CHMP6: variants seen among roughly 807,000 people sequenced by gnomAD.
The protein encoded by CHMP6 is charged multivesicular body protein 6, also known as chromatin-modifying protein 6.
A neutral mutation model predicts 32.8 loss-of-function variants in CHMP6; 10 were observed. The ratio of observed to expected loss-of-function variants is 0.30; its 90% CI spans 0.19 to 0.52. CHMP6 has a LOEUF of 0.52. Among genes scored for constraint, CHMP6 ranks in the 20% least tolerant of loss-of-function variants. The probability of loss-of-function intolerance (pLI) is 0.97; values close to 1 mark genes in which losing one functional copy is unlikely to be tolerated. For missense variants in CHMP6, 269 were observed against 263.8 expected (o/e 1.02, Z -0.14); for synonymous variants, 123 against 105.8 (o/e 1.16, Z -1.00).
At chr17:80,998,270 C>T (rs891940833) in intron 6 of CHMP6, 96 bp from the exon 7 acceptor site, 39 of 1,388,978 alleles carry the variant, frequency 2.8e-5, no homozygotes, top group African/African-American at 2.3e-4. Flanking sequence ...CGGCTGAGAG[C>T]GGCTGACGGA....
intron 1 of CHMP6, among the ~76,000 whole-genome samples, chr17:80,994,159 C>A (rs532216711): frequency 6.6e-6 from 1 of 152,348 alleles, no homozygotes; most frequent in South Asian, 2.1e-4. Context: ...CGTGCTCCGC[C>A]CGCCTCGGCC....
intron 1 of CHMP6, 24 bp from the exon 2 acceptor site, chr17:80,994,557 G>A (rs773868168): frequency 1.0e-5 from 16 of 1,543,056 alleles, no homozygotes; most frequent in South Asian, 9.6e-5. Context: ...GCTCGGTGAC[G>A]CCAGGCCCTC....
At chr17:80,999,009 C>T in intron 7 of CHMP6, 89 bp from the exon 8 acceptor site, 1 of 1,494,718 alleles carries the variant, frequency 6.7e-7, no homozygotes, top group South Asian at 1.1e-5. Context: ...CCGGAACTGG[C>T]CCTTGCCACC....
In CHMP6 at chr17:80,995,113, G is replaced by A. The variant is rs781489707; in HGVS notation, c.261+7G>A. On this transcript the variant is annotated splice_region_variant and intron_variant, in intron 3 of 7. Coordinates refer to ENST00000325167, the MANE Select transcript of CHMP6 (RefSeq NM_024591.5). The stretch of plus-strand genomic sequence containing the variant: ...CAGCAGCCTGGAGGCCATGGTAGGC[G>A]GCCGGGTGCTTCGCCCTGGAGTGCA... The A allele has an allele frequency of 8.1e-5, 129 of 1,595,002 alleles. 1 individual carries two copies. Among genetic ancestry groups the A allele is most frequent in the Middle Eastern group, 6.6e-4 (4 of 6,054 alleles).
rs946465027 is a variant in CHMP6 at position 80,999,260 on chromosome 17, A to T, written c.*107A>T. On this transcript the variant is annotated 3_prime_UTR_variant, in exon 8 of 8. Coordinates refer to ENST00000325167, the MANE Select transcript of CHMP6 (RefSeq NM_024591.5). ...CCGGGTTCCCTGGAGCCCAGTGCGC[A>T]CGGTGCTGAGCAGAGCTGCAGCCAC... is the stretch of plus-strand genomic sequence containing the variant. 1.2e-5 allele frequency: 16 copies of T among 1,316,592 alleles called. 1 individual carries two copies. The African/African-American group carries it at 1.3e-4, about 11-fold the overall frequency. The allele number at this position is 1,316,592 out of a possible 1,614,324, so 81.6% of individuals were successfully genotyped here.
At chr17:80,995,323 C>T (rs1301777163) in intron 3 of CHMP6, among the ~76,000 whole-genome samples, 1 of 152,110 alleles carries the variant, frequency 6.6e-6, no homozygotes, top group African/African-American at 2.4e-5. Flanking sequence ...TCTCGCAGGA[C>T]TGAGGTGGGG....
chr17:80,993,165 G>C (rs2069607325), intron 1 of CHMP6, among the ~76,000 whole-genome samples: 1 of 152,216 alleles, frequency 6.6e-6, no homozygotes, highest in Non-Finnish European at 1.5e-5. Flanking sequence ...GTCACTGTGG[G>C]CTCTCGGCTG....
In CHMP6 at chr17:80,999,276, C is replaced by T. The variant is rs2069665652; in HGVS notation, c.*123C>T. On this transcript the variant is annotated 3_prime_UTR_variant, in exon 8 of 8. Transcript: ENST00000325167. ...CCAGTGCGCACGGTGCTGAGCAGAG[C>T]TGCAGCCACGCAGGCGCATTGCAGG... 5 of 1,120,074 alleles carry T rather than the reference C, an allele frequency of 4.5e-6. No homozygotes were observed. Among genetic ancestry groups the T allele is most frequent in the Non-Finnish European group, 6.6e-6 (5 of 758,708 alleles). 69.4% of individuals were successfully genotyped at this position (1,120,074 alleles called of 1,614,324 possible).
chr17:80,998,378 C>T lies in CHMP6; in HGVS notation c.508C>T (p.Leu170=), dbSNP rs747261516. 17 of 1,614,238 alleles carry T rather than the reference C, an allele frequency of 1.1e-5. No individual in the cohort carries two copies. In the South Asian group the frequency reaches 1.5e-4, roughly 15 times the overall value. The change falls in exon 7 of 8, where the codon CTG becomes TTG. Residue 170 remains leucine (L), a synonymous_variant. Coordinates refer to ENST00000325167, the MANE Select transcript of CHMP6 (RefSeq NM_024591.5). ...LSAITQEQIE[L]PEVPSEPLPE... ...TTGCTTCTTGCAGGAACAAATAGAG[C>T]TGCCAGAGGTTCCCTCCGAGCCCCT...
chr17:80,993,856 C>T (rs111509404), intron 1 of CHMP6, among the ~76,000 whole-genome samples: 3,866 of 152,232 alleles, frequency 0.025, 185 homozygotes, highest in African/African-American at 0.089. Context: ...TGTCTGAGCC[C>T]TGTCCTGGCC....
intron 3 of CHMP6, 126 bp downstream of exon 3, chr17:80,995,232 G>A: frequency 2.3e-6 from 2 of 886,586 alleles, no homozygotes; most frequent in Non-Finnish European, 3.5e-6. Flanking sequence ...GGCTGAAGCT[G>A]ACCTGAAGAG....
At chr17:80,995,641 G>T in intron 3 of CHMP6, 31 bp from the exon 4 acceptor site, 1 of 1,605,502 alleles carries the variant, frequency 6.2e-7, no homozygotes, top group Non-Finnish European at 8.5e-7. Flanking sequence ...CGGATCCTCA[G>T]CACCTGCGTC....
intron 3 of CHMP6, 27 bp from the exon 4 acceptor site, chr17:80,995,645 C>T (rs1454703295): frequency 1.2e-6 from 2 of 1,608,900 alleles, no homozygotes; most frequent in African/African-American, 2.7e-5. Flanking sequence ...TCCTCAGCAC[C>T]TGCGTCTGCT....
In CHMP6 at chr17:80,991,872, G is replaced by A. The variant is rs28391679; in HGVS notation, c.-47G>A. On this transcript the variant is annotated 5_prime_UTR_variant, in exon 1 of 8. Transcript: ENST00000325167. Reference sequence around the variant, plus strand: ...CGAGCTACGGTGGCCGCGGGGCGGCGGTGGCGATTGGACTTGGTGGGTCCC... The same window carrying A: ...CGAGCTACGGTGGCCGCGGGGCGGCAGTGGCGATTGGACTTGGTGGGTCCC... 251 of 1,347,028 alleles carry A rather than the reference G, an allele frequency of 1.9e-4. No individual in the cohort carries two copies. Among genetic ancestry groups the A allele is most frequent in the Admixed American group, 3.5e-4 (13 of 37,198 alleles). The allele number at this position is 1,347,028 out of a possible 1,614,324, so 83.4% of individuals were successfully genotyped here.
At chr17:80,997,622 G>C (rs1364024783) in intron 6 of CHMP6, among the ~76,000 whole-genome samples, 1 of 152,074 alleles carries the variant, frequency 6.6e-6, no homozygotes, top group South Asian at 2.1e-4. Context: ...CACGGATGTG[G>C]TGCTGGCTTT....
chr17:80,992,343 C>G (rs992617266), intron 1 of CHMP6, among the ~76,000 whole-genome samples: 1 of 152,186 alleles, frequency 6.6e-6, no homozygotes, highest in African/African-American at 2.4e-5. Context: ...TGGGCTTTCC[C>G]TGGCTCTGGG....
Position 80,991,890 on chromosome 17 carries a change from T to G in CHMP6, c.-29T>G. 7 of 1,408,108 alleles carry G rather than the reference T, an allele frequency of 5.0e-6. No homozygotes were observed. The highest frequency in any genetic ancestry group is 6.5e-6 in the Non-Finnish European group (7 of 1,069,080). The allele number at this position is 1,408,108 out of a possible 1,614,324, so 87.2% of individuals were successfully genotyped here. On this transcript the variant is annotated 5_prime_UTR_variant, in exon 1 of 8. Coordinates refer to ENST00000325167, the MANE Select transcript of CHMP6 (RefSeq NM_024591.5). ...GGGCGGCGGTGGCGATTGGACTTGG[T>G]GGGTCCCGGGCCAGGGGCGGGCGCC...
intron 4 of CHMP6, 141 bp downstream of exon 4, chr17:80,995,899 C>T (rs2069633950): frequency 1.4e-6 from 1 of 707,882 alleles, no homozygotes; most frequent in Non-Finnish European, 2.4e-6. Flanking sequence ...TTGGGTGCTG[C>T]CAGGCAGGCA....
intron 6 of CHMP6, among the ~76,000 whole-genome samples, chr17:80,997,587 T>C (rs772677013): frequency 1.1e-4 from 17 of 152,056 alleles, no homozygotes; most frequent in Non-Finnish European, 2.2e-4. Context: ...TCCTGGCGCC[T>C]CGGCCCCTTT....
Sources: allele counts gnomAD v4.1 joint callset (sites outside exome capture counted in the v4.1 genomes callset), GRCh38; gene constraint gnomAD v4.1.1; transcripts MANE v1.5; gene names NCBI Gene and HGNC (gene_info 2026-07-23, HGNC 2026-07-21).